NPSR1: variants seen among roughly 807,000 people sequenced by gnomAD.
NPSR1 encodes neuropeptide S receptor 1.
A neutral mutation model predicts 46.9 loss-of-function variants in NPSR1; 48 were observed. The ratio of observed to expected loss-of-function variants is 1.02; its 90% CI spans 0.81 to 1.30. The LOEUF is 1.30. NPSR1 is among the 50% of genes most tolerant of loss of function. The pLI is 0.00. For missense variants in NPSR1, 450 were observed against 449.5 expected (o/e 1.00, Z -0.01); for synonymous variants, 176 against 168.1 (o/e 1.05, Z -0.36).
At chr7:34,828,297 G>A (rs1222694934) in intron 5 of NPSR1, among the ~76,000 whole-genome samples, 1 of 152,228 alleles carries the variant, frequency 6.6e-6, no homozygotes, top group East Asian at 1.9e-4. Flanking sequence ...GTGCCAGTGG[G>A]ACAGAAGTTG....
Position 34,844,967 on chromosome 7 carries a change from A to G in NPSR1, c.829A>G (p.Ile277Val), listed in dbSNP as rs772009119. 1.3e-5 allele frequency: 21 copies of G among 1,608,068 alleles called. No homozygotes were observed. Among genetic ancestry groups the G allele is most frequent in the Admixed American group, 1.7e-5 (1 of 59,986 alleles). The change falls in exon 7 of 9, where the codon ATC becomes GTC. Residue 277 changes from isoleucine to valine, a missense_variant. Physicochemically the swap from Ile to Val is conservative, Grantham distance 29 (BLOSUM62 3). Transcript: ENST00000360581. ...KAKIKAIKYS[I>V]IIILAFICCW... The stretch of plus-strand genomic sequence containing the variant: ...AAAAATCAAGGCTATCAAGTATAGC[A>G]TCATCATCATTCTTGGTAAGCAATG...
chr7:34,827,632 G>T, intron 5 of NPSR1, 30 bp downstream of exon 5: 2 of 1,285,112 alleles, frequency 1.6e-6, no homozygotes, highest in Admixed American at 1.8e-5. Context: ...GGACCACACG[G>T]GGGGGTGGGG....
chr7:34,732,124 A>G (rs186091881), intron 2 of NPSR1, among the ~76,000 whole-genome samples: 235 of 151,172 alleles, frequency 1.6e-3, no homozygotes, highest in African/African-American at 5.6e-3. Context: ...TGGAATTCTC[A>G]GTTTGTAGAA....
intron 8 of NPSR1, among the ~76,000 whole-genome samples, chr7:34,856,680 G>A (rs1161226335): frequency 6.6e-6 from 1 of 151,650 alleles, no homozygotes; most frequent in African/African-American, 2.4e-5. Context: ...ACTTTTGTTT[G>A]TGACAAAAGT....
rs934939690 is a variant in NPSR1, at chr7:34,792,643, A to G, written c.384+14078A>G. On this transcript the variant is annotated intron_variant, in intron 3 of 8. Coordinates refer to ENST00000360581, the MANE Select transcript of NPSR1 (RefSeq NM_207172.2). ...TATATGTGTGTGTGTGTGTATGTGT[A>G]TATATATATGTATATATATATTTAT... 3.1e-4 allele frequency among the ~76,000 whole-genome samples: 28 copies of G among 91,530 alleles called. 1 individual carries two copies. Among genetic ancestry groups the G allele is most frequent in the South Asian group, 2.1e-3 (7 of 3,398 alleles). 60.0% of individuals were successfully genotyped at this position (91,530 alleles called of 152,430 possible).
At chr7:34,841,931 A>G (rs1267943000) in intron 6 of NPSR1, among the ~76,000 whole-genome samples, 1 of 152,290 alleles carries the variant, frequency 6.6e-6, no homozygotes, top group Middle Eastern at 3.4e-3. Flanking sequence ...CTTGCAGCCC[A>G]TGGGTATAAT....
chr7:34,842,476 A>G (rs1204054215), intron 6 of NPSR1, among the ~76,000 whole-genome samples: 1 of 152,212 alleles, frequency 6.6e-6, no homozygotes, highest in African/African-American at 2.4e-5. Flanking sequence ...TGCACACACA[A>G]TTGTGACAAT....
rs76001802 is a variant in NPSR1 at position 34,857,749 on chromosome 7, G to A, written c.1025+9086G>A. Among the ~76,000 whole-genome samples, 534 of 151,554 alleles carry A rather than the reference G, an allele frequency of 3.5e-3. 6 individuals are homozygous for A. The highest frequency in any genetic ancestry group is 0.03 in the East Asian group (155 of 5,176). ...CTGTTCATCAAAATATATTAAAAAT[G>A]TGAAAAGACAAGCTATAGAATGGAA... On this transcript the variant is annotated intron_variant, in intron 8 of 8. Coordinates refer to the NPSR1 transcript ENST00000359791.
In NPSR1 at chr7:34,811,820, C is replaced by G. The variant is rs775440956; in HGVS notation, c.435C>G (p.Asp145Glu). The change falls in exon 4 of 9, where the codon GAC (aspartate) becomes GAG (glutamate). Residue 145 changes from aspartate (D) to glutamate (E), a missense_variant. Physicochemically the swap from Asp to Glu is conservative, Grantham distance 45 (BLOSUM62 2). Coordinates refer to ENST00000360581, the MANE Select transcript of NPSR1 (RefSeq NM_207172.2). Reference protein sequence around the residue: ...STYVLVSLSIDRYHAIVYPMK... With the variant: ...STYVLVSLSIERYHAIVYPMK... ...ACGTCCTGGTGTCCCTCAGCATAGA[C>G]AGATACCATGCCATCGTCTACCCCA... 6.2e-7 allele frequency: 1 copy of G among 1,613,688 alleles called. No individual in the cohort carries two copies. The highest frequency in any genetic ancestry group is 1.1e-5 in the South Asian group (1 of 91,010).
intron 1 of NPSR1, among the ~76,000 whole-genome samples, chr7:34,671,897 C>A (rs951831952): frequency 5.9e-5 from 8 of 135,566 alleles, no homozygotes; most frequent in Non-Finnish European, 9.2e-5. Flanking sequence ...CAAAGTGGGC[C>A]CTCCAGGGGA....
intron 3 of NPSR1, among the ~76,000 whole-genome samples, chr7:34,791,035 T>C (rs1177140513): frequency 1.7e-5 from 2 of 120,254 alleles, no homozygotes; most frequent in African/African-American, 7.1e-5. Flanking sequence ...ATATGTTATA[T>C]ATTATATTAT....
chr7:34,864,772 T>G lies in NPSR1; in HGVS notation c.1026-13304T>G, dbSNP rs1188755951. 2.0e-5 allele frequency among the ~76,000 whole-genome samples: 3 copies of G among 151,796 alleles called. No individual in the cohort carries two copies. The East Asian group carries it at 5.8e-4, about 29-fold the overall frequency. On this transcript the variant is annotated intron_variant, in intron 8 of 8. Coordinates refer to the NPSR1 transcript ENST00000359791. The stretch of plus-strand genomic sequence containing the variant: ...CAGAGAAGAGACTAAAACAACACCC[T>G]TATTACTAACAAATGTGACTTGTGC...
chr7:34,667,126 A>G (rs1200286729), intron 1 of NPSR1, among the ~76,000 whole-genome samples: 1 of 152,220 alleles, frequency 6.6e-6, no homozygotes, highest in Non-Finnish European at 1.5e-5. Context: ...ATAAGGAATC[A>G]CATCCTTTCC....
intron 2 of NPSR1, chr7:34,750,798 C>A: frequency 1.4e-6 from 1 of 694,418 alleles, no homozygotes; most frequent in South Asian, 1.4e-5. Flanking sequence ...TGCACCTGCT[C>A]AGTTTAGGCT....
At chr7:34,700,817 G>C (rs975099328) in intron 2 of NPSR1, among the ~76,000 whole-genome samples, 1 of 152,202 alleles carries the variant, frequency 6.6e-6, no homozygotes, top group Admixed American at 6.5e-5. Flanking sequence ...TCTTGGAGTT[G>C]TGGTGAGGAT....
chr7:34,843,254 C>T (rs976803751), intron 6 of NPSR1, among the ~76,000 whole-genome samples: 30 of 152,190 alleles, frequency 2.0e-4, no homozygotes, highest in African/African-American at 6.5e-4. Flanking sequence ...GTTCTAGAGG[C>T]TGGGAAATCC....
At chr7:34,724,064 A>G (rs1375395681) in intron 2 of NPSR1, among the ~76,000 whole-genome samples, 2 of 152,200 alleles carry the variant, frequency 1.3e-5, no homozygotes, top group African/African-American at 4.8e-5. Context: ...AAGAAAGGAA[A>G]TCATCCATTA....
intron 8 of NPSR1, 54 bp from the exon 9 acceptor site, chr7:34,849,510 GC>G: frequency 6.2e-7 from 1 of 1,606,174 alleles, no homozygotes; most frequent in Non-Finnish European, 8.5e-7. Context: ...ATGTCTACTT[GC>G]CTTTTCATTA....
chr7:34,867,176 T>C (rs1791332691), intron 8 of NPSR1, among the ~76,000 whole-genome samples: 1 of 151,762 alleles, frequency 6.6e-6, no homozygotes, highest in South Asian at 2.1e-4. Flanking sequence ...AAGGGAGTGA[T>C]TGTCCTGACA....
Sources: gnomAD v4.1 joint callset for allele counts (sites outside exome capture counted in the v4.1 genomes callset) on GRCh38, gnomAD v4.1.1 for gene constraint, MANE v1.5 for transcripts, NCBI Gene and HGNC (gene_info 2026-07-23, HGNC 2026-07-21) for gene names.